The following NDUFAF6 variants were observed in gnomAD, a reference collection of about 807,000 sequenced individuals.
NDUFAF6 encodes the protein NADH dehydrogenase (ubiquinone) complex I, assembly factor 6.
In NDUFAF6, 45 loss-of-function variants were observed where a neutral mutation model predicts 40.8. The observed-to-expected ratio is 1.10, with a 90% confidence interval of 0.87 to 1.42. The LOEUF is 1.42. Among genes scored for constraint, NDUFAF6 ranks in the 40% most tolerant of loss-of-function variants. The pLI, the probability that NDUFAF6 is intolerant of heterozygous loss-of-function variation, is 0.00. For missense variants in NDUFAF6, 435 were observed against 418.5 expected (o/e 1.04, Z -0.34); for synonymous variants, 185 against 155.9 (o/e 1.19, Z -1.39).
At chr8:94,951,125 C>T (rs1346518600) in intron 2 of NDUFAF6, 1 of 152,250 alleles carries the variant, frequency 6.6e-6, no homozygotes, top group Admixed American at 6.5e-5. Context: ...CCCACAGCTT[C>T]TGCTTTGTAC....
intron 1 of NDUFAF6, among the ~76,000 whole-genome samples, chr8:94,977,489 C>T (rs1825059118): frequency 6.7e-6 from 1 of 149,226 alleles, no homozygotes; most frequent in South Asian, 2.1e-4. Flanking sequence ...CACCTCTGCA[C>T]TCCAGCCTGA....
At chr8:94,934,314 TAC>T (rs376984979) in intron 1 of NDUFAF6, among the ~76,000 whole-genome samples, 1 of 151,790 alleles carries the variant, frequency 6.6e-6, no homozygotes. Flanking sequence ...AGCTGCTGAC[TAC>T]ACACACACAC....
In NDUFAF6 at chr8:95,025,036, TG is replaced by T. The variant is rs1184320523; in HGVS notation, c.33del (p.Pro12ArgfsTer79). The T allele has an allele frequency of 2.8e-6, 4 of 1,412,252 alleles. No homozygotes were observed. Among genetic ancestry groups the T allele is most frequent in the Admixed American group, 3.3e-5 (1 of 30,614 alleles). The allele number at this position is 1,412,252 out of a possible 1,614,324, so 87.5% of individuals were successfully genotyped here. MAASAHGSV[W>X]GPLRLGIPGL... ...GGCGGCCTCCGCGCACGGCTCTGTC[TG>T]GGGGCCGTTGCGGCTTGGCATCCCC... On this transcript the variant is annotated frameshift_variant, in exon 1 of 9. Transcript: ENST00000396124. LOFTEE classifies it high-confidence loss of function.
At chr8:94,930,653 C>T in intron 1 of NDUFAF6, 1 of 1,614,120 alleles carries the variant, frequency 6.2e-7, no homozygotes. Flanking sequence ...TGGGTTGTTC[C>T]AGAAAAGTTG....
rs200076410 is a variant in NDUFAF6, at chr8:94,946,506, GC to G, written c.-799+889del. On this transcript the variant is annotated intron_variant, in intron 2 of 14. Transcript: ENST00000396113. Reference sequence around the variant, plus strand: ...ACTTTAAGCCAGGAGTTCAAGACCAGCCTGGGCAACAAAGCAAGACCCCATC... The same window carrying G: ...ACTTTAAGCCAGGAGTTCAAGACCAGCTGGGCAACAAAGCAAGACCCCATC... Among the ~76,000 whole-genome samples, 54 of 151,748 alleles carry G rather than the reference GC, an allele frequency of 3.6e-4. 1 individual carries two copies. The East Asian group carries it at 0.01, about 28-fold the overall frequency.
intron 2 of NDUFAF6, among the ~76,000 whole-genome samples, chr8:95,000,227 C>T (rs1826657632): frequency 6.6e-6 from 1 of 152,152 alleles, no homozygotes; most frequent in Admixed American, 6.5e-5. Flanking sequence ...GTCCCAGCTA[C>T]TCTGGAGGCT....
At chr8:94,931,940 C>G in intron 1 of NDUFAF6, 1 of 864,140 alleles carries the variant, frequency 1.2e-6, no homozygotes, top group South Asian at 1.8e-5. Flanking sequence ...CCATTGCACT[C>G]CAGCCTGAGT....
At chr8:94,970,283 A>G (rs1824362839) in intron 1 of NDUFAF6, among the ~76,000 whole-genome samples, 1 of 151,004 alleles carries the variant, frequency 6.6e-6, no homozygotes, top group Non-Finnish European at 1.5e-5. Flanking sequence ...AGAAGAAGGA[A>G]AAAAACATAA....
Position 95,075,693 on chromosome 8 carries a change from T to C in NDUFAF6, c.*572T>C, listed in dbSNP as rs1369701526. 6 of 1,288,070 alleles carry C rather than the reference T, an allele frequency of 4.7e-6. No individual in the cohort carries two copies. In the East Asian group the frequency reaches 3.3e-4, roughly 71 times the overall value. The allele number at this position is 1,288,070 out of a possible 1,614,324, so 79.8% of individuals were successfully genotyped here. The stretch of plus-strand genomic sequence containing the variant: ...TGCACAGCCAGCCAGCCTGGGAAAA[T>C]GAAGCCAACTGGGAGAGAGATTTGA... On this transcript the variant is annotated 3_prime_UTR_variant and NMD_transcript_variant, in exon 10 of 10. Transcript: ENST00000520757.
At chr8:95,085,562 C>G (rs1458735359) in intron 2 of NDUFAF6, 1 of 152,136 alleles carries the variant, frequency 6.6e-6, no homozygotes, top group Admixed American at 6.5e-5. Flanking sequence ...CTGGCACTTG[C>G]CTGTAGTCCT....
At chr8:94,940,263 A>T in intron 1 of NDUFAF6, 1 of 1,554,876 alleles carries the variant, frequency 6.4e-7, no homozygotes, top group Non-Finnish European at 8.7e-7. Context: ...GTTGTTGAAG[A>T]GTCCCACAGG....
intron 2 of NDUFAF6, chr8:94,949,013 G>C (rs1028378806): frequency 2.0e-5 from 3 of 149,306 alleles, no homozygotes; most frequent in Non-Finnish European, 4.5e-5. Flanking sequence ...CAGCGAGGGG[G>C]CTCGGTGAAC....
chr8:94,936,501 T>A (rs1820989075), intron 1 of NDUFAF6, among the ~76,000 whole-genome samples: 2 of 152,038 alleles, frequency 1.3e-5, no homozygotes, highest in Non-Finnish European at 2.9e-5. Context: ...GCTACTTTGA[T>A]CAAAGAAGGT....
chr8:94,997,296 A>ACG (rs1456300834), intron 2 of NDUFAF6, among the ~76,000 whole-genome samples: 2 of 77,752 alleles, frequency 2.6e-5, no homozygotes, highest in Admixed American at 2.8e-4. Flanking sequence ...AAAGACACAC[A>ACG]CACACACACA....
At chr8:95,101,669 T>A (rs1809653339) in intron 2 of NDUFAF6, among the ~76,000 whole-genome samples, 1 of 152,228 alleles carries the variant, frequency 6.6e-6, no homozygotes, top group South Asian at 2.1e-4. Flanking sequence ...AGTTTTCATA[T>A]CATCCCCTCA....
At chr8:95,052,109 G>A in intron 7 of NDUFAF6, 65 bp from the exon 8 acceptor site, 2 of 1,479,050 alleles carry the variant, frequency 1.4e-6, no homozygotes, top group African/African-American at 1.4e-5. Flanking sequence ...TGCTGGTGTT[G>A]CTTTCAGAGG....
At chr8:94,913,216 C>T (rs1818904200) in intron 1 of NDUFAF6, among the ~76,000 whole-genome samples, 1 of 152,164 alleles carries the variant, frequency 6.6e-6, no homozygotes, top group Non-Finnish European at 1.5e-5. Flanking sequence ...TGGCAGGGGA[C>T]ATCTGATGCC....
intron 2 of NDUFAF6, among the ~76,000 whole-genome samples, chr8:95,014,594 C>T (rs902594172): frequency 6.6e-6 from 1 of 152,194 alleles, no homozygotes; most frequent in Non-Finnish European, 1.5e-5. Flanking sequence ...AAACTAAGTT[C>T]CAAGTTCCTG....
chr8:95,071,497 T>G (rs1832860391), intron 9 of NDUFAF6, among the ~76,000 whole-genome samples: 1 of 151,374 alleles, frequency 6.6e-6, no homozygotes, highest in Non-Finnish European at 1.5e-5. Flanking sequence ...CCCCACAGGC[T>G]GTCCTGGAGG....
Sources: gnomAD v4.1 joint callset for allele counts (sites outside exome capture counted in the v4.1 genomes callset) on GRCh38, gnomAD v4.1.1 for gene constraint, MANE v1.5 for transcripts, NCBI Gene and HGNC (gene_info 2026-07-23, HGNC 2026-07-21) for gene names.